The following ARHGAP44 variants were observed in gnomAD, a reference collection of about 807,000 sequenced individuals.
ARHGAP44 encodes rho GTPase-activating protein 44.
A neutral mutation model predicts 106.8 loss-of-function variants in ARHGAP44; 43 were observed. The observed-to-expected ratio is 0.40, with a 90% CI of 0.32 to 0.52. The LOEUF is 0.52. ARHGAP44 is among the 20% of genes least tolerant of loss of function. The pLI is 0.48. For synonymous variants in ARHGAP44, 439 were observed against 410.3 expected (o/e 1.07, Z -0.85); for missense variants, 866 against 1,050.5 (o/e 0.82, Z 2.43).
intron 1 of ARHGAP44, among the ~76,000 whole-genome samples, chr17:12,847,829 C>T (rs888463304): frequency 5.3e-5 from 8 of 152,110 alleles, no homozygotes; most frequent in Non-Finnish European, 4.4e-5. Context: ...AAGGTAGAGA[C>T]CCAGTTTAAC....
At chr17:12,894,838 T>C in intron 1 of ARHGAP44, 102 bp from the exon 2 acceptor site, 1 of 1,023,782 alleles carries the variant, frequency 9.8e-7, no homozygotes, top group Admixed American at 2.3e-5. Flanking sequence ...ACTACTCATG[T>C]CTCTGTTTTT....
chr17:12,941,990 A>G (rs2038723230), intron 8 of ARHGAP44, among the ~76,000 whole-genome samples: 2 of 152,324 alleles, frequency 1.3e-5, no homozygotes, highest in South Asian at 2.1e-4. Flanking sequence ...GAAATTCTGC[A>G]AAGTTTAAAA....
At chr17:12,956,047 A>C (rs1297423185) in intron 14 of ARHGAP44, 67 bp downstream of exon 14, 5 of 1,210,942 alleles carry the variant, frequency 4.1e-6, no homozygotes, top group African/African-American at 3.0e-5. Flanking sequence ...CAGGGTGGGC[A>C]GGACAGCTGG....
rs548819304 is a variant in ARHGAP44, at chr17:12,875,939, C to T, written c.54-19001C>T. Among the ~76,000 whole-genome samples, 9 of 92,000 alleles carry T rather than the reference C, an allele frequency of 9.8e-5. No homozygotes were observed. In the East Asian group the frequency reaches 2.4e-3, roughly 25 times the overall value. 60.4% of individuals were successfully genotyped at this position (92,000 alleles called of 152,430 possible). ...AGCCTGGAGGACAAGAGCGAGACTTCGTCTCAAAAAAAAAAATGTATTGAT... is the reference window on the plus strand; with the variant it reads ...AGCCTGGAGGACAAGAGCGAGACTTTGTCTCAAAAAAAAAAATGTATTGAT... On this transcript the variant is annotated intron_variant, in intron 1 of 20. Transcript: ENST00000379672.
At chr17:12,910,897 AT>A (rs543376033) in intron 4 of ARHGAP44, among the ~76,000 whole-genome samples, 64 of 152,282 alleles carry the variant, frequency 4.2e-4, no homozygotes, top group African/African-American at 1.4e-3. Flanking sequence ...AAATAAAAAA[AT>A]AAAATAAATT....
At chr17:12,838,812 C>T (rs2035313010) in intron 1 of ARHGAP44, among the ~76,000 whole-genome samples, 1 of 152,000 alleles carries the variant, frequency 6.6e-6, no homozygotes, top group Non-Finnish European at 1.5e-5. Context: ...GCTGGGATTA[C>T]AGACACCCAC....
chr17:12,841,594 T>TCTCTCTCTCTCTCACACACACA lies in ARHGAP44; in HGVS notation c.53+51704_53+51705insTCTCTCTCTCTCACACACACAC, dbSNP rs1417307080. ...GAGACCCTGTCTCTCTGTCTCTCTC[T>TCTCTCTCTCTCTCACACACACA]CACACACACACACACACACACACAC... On this transcript the variant is annotated intron_variant, in intron 1 of 20. Transcript: ENST00000379672. Among the ~76,000 whole-genome samples the TCTCTCTCTCTCTCACACACACA allele has an allele frequency of 2.9e-4, 37 of 126,570 alleles. No homozygotes were observed. The East Asian group carries it at 3.1e-3, about 11-fold the overall frequency. 83.0% of individuals were successfully genotyped at this position (126,570 alleles called of 152,430 possible).
chr17:12,971,843 G>C (rs1315180633), intron 16 of ARHGAP44, among the ~76,000 whole-genome samples: 1 of 152,130 alleles, frequency 6.6e-6, no homozygotes, highest in Non-Finnish European at 1.5e-5. Flanking sequence ...ACATGAGAAG[G>C]CCTCTGGTGA....
intron 7 of ARHGAP44, among the ~76,000 whole-genome samples, chr17:12,932,327 T>G (rs1213945727): frequency 6.6e-6 from 1 of 152,248 alleles, no homozygotes; most frequent in Non-Finnish European, 1.5e-5. Flanking sequence ...TACACATTCT[T>G]AATTTGGTGA....
intron 3 of ARHGAP44, among the ~76,000 whole-genome samples, chr17:12,898,116 G>T (rs1375136199): frequency 1.3e-5 from 2 of 152,158 alleles, no homozygotes; most frequent in Admixed American, 1.3e-4. Flanking sequence ...AAGCTCTAGG[G>T]TTGGTCAGGA....
chr17:12,856,483 A>G (rs542301825), intron 1 of ARHGAP44, among the ~76,000 whole-genome samples: 1 of 152,326 alleles, frequency 6.6e-6, no homozygotes, highest in South Asian at 2.1e-4. Context: ...ATATGTAGGA[A>G]AATATCGGAA....
chr17:12,875,246 G>A (rs2036518920), intron 1 of ARHGAP44, among the ~76,000 whole-genome samples: 1 of 152,032 alleles, frequency 6.6e-6, no homozygotes, highest in Non-Finnish European at 1.5e-5. Context: ...ACCACCCTTT[G>A]GCATACTGTG....
At chr17:12,833,744 A>G (rs1185987330) in intron 1 of ARHGAP44, among the ~76,000 whole-genome samples, 1 of 152,172 alleles carries the variant, frequency 6.6e-6, no homozygotes, top group Non-Finnish European at 1.5e-5. Flanking sequence ...TAAGGTATAC[A>G]TTGGTCTGGT....
At chr17:12,937,283 T>C (rs946641555) in intron 7 of ARHGAP44, among the ~76,000 whole-genome samples, 9 of 152,054 alleles carry the variant, frequency 5.9e-5, no homozygotes, top group Admixed American at 5.9e-4. Context: ...AAGAATGGAG[T>C]ACTCTAGTAT....
chr17:12,852,587 G>A (rs565096669), intron 1 of ARHGAP44, among the ~76,000 whole-genome samples: 24 of 150,614 alleles, frequency 1.6e-4, no homozygotes, highest in African/African-American at 5.1e-4. Context: ...TGTTGCCCAG[G>A]CTGGAGTGCA....
In ARHGAP44 at chr17:12,843,103, TA is replaced by T. The variant is rs530550545; in HGVS notation, c.54-51834del. ...AACGGCCTATGGTGGAAGCCTTGTG[TA>T]AATAAATGCTGTGCCTGTGACAGAG... On this transcript the variant is annotated intron_variant, in intron 1 of 20. Transcript: ENST00000379672. 1.8e-3 allele frequency among the ~76,000 whole-genome samples: 276 copies of T among 152,300 alleles called. 5 individuals carry two copies. Among genetic ancestry groups the T allele is most frequent in the East Asian group, 3.7e-3 (19 of 5,182 alleles).
At chr17:12,933,407 T>C (rs905832640) in intron 7 of ARHGAP44, among the ~76,000 whole-genome samples, 58 of 152,276 alleles carry the variant, frequency 3.8e-4, no homozygotes, top group African/African-American at 1.4e-3. Flanking sequence ...CAAGATGTGT[T>C]CCATAAGACA....
At chr17:12,888,836 A>G (rs1354874043) in intron 1 of ARHGAP44, among the ~76,000 whole-genome samples, 7 of 151,902 alleles carry the variant, frequency 4.6e-5, no homozygotes, top group African/African-American at 9.7e-5. Flanking sequence ...TCATTATTTC[A>G]TGCTCCCCTT....
rs1045093827 is a variant in ARHGAP44, at chr17:12,943,461, G to A, written c.652-127G>A. 73 of 750,768 alleles carry A rather than the reference G, an allele frequency of 9.7e-5. 1 individual carries two copies. The Admixed American group carries it at 1.5e-3, about 16-fold the overall frequency. The allele number at this position is 750,768 out of a possible 1,614,324, so 46.5% of individuals were successfully genotyped here. ...GCATGCTCGTTATTTTAGGTAGATTGGAGGAGGGAATGGGTGACTACCTCC... is the reference window on the plus strand; with the variant it reads ...GCATGCTCGTTATTTTAGGTAGATTAGAGGAGGGAATGGGTGACTACCTCC... On this transcript the variant is annotated intron_variant, in intron 8 of 20. Coordinates refer to ENST00000379672, the MANE Select transcript of ARHGAP44 (RefSeq NM_014859.6).
Sources: gnomAD v4.1 joint callset for allele counts (sites outside exome capture counted in the v4.1 genomes callset) on GRCh38, gnomAD v4.1.1 for gene constraint, MANE v1.5 for transcripts, NCBI Gene and HGNC (gene_info 2026-07-23, HGNC 2026-07-21) for gene names.